Variants in GRM1 observed in about 807,000 individuals in gnomAD.
GRM1 encodes the protein metabotropic glutamate receptor 1.
A neutral mutation model predicts 90.9 loss-of-function variants in GRM1; 33 were observed. That is an observed-to-expected ratio of 0.36 (90% confidence interval 0.28 to 0.49). The LOEUF is 0.49. GRM1 is among the 20% of genes least tolerant of loss of function. The pLI is 0.99. For synonymous variants in GRM1, 700 were observed against 613.2 expected, an observed-to-expected ratio of 1.14 and a Z score of -2.09; for missense variants, 1,190 against 1,534.3, an observed-to-expected ratio of 0.78 and a Z score of 3.75.
chr6:146,119,835 C>T (rs1015188870), intron 1 of GRM1, among the ~76,000 whole-genome samples: 7 of 152,026 alleles, frequency 4.6e-5, no homozygotes, highest in African/African-American at 1.7e-4. Context: ...GCTGTTTTGG[C>T]TACTGTAGCC....
chr6:146,127,337 G>A (rs576918334), intron 1 of GRM1, among the ~76,000 whole-genome samples: 2 of 152,252 alleles, frequency 1.3e-5, no homozygotes, highest in East Asian at 3.9e-4. Flanking sequence ...AGAATGATTG[G>A]CAAATATTCA....
chr6:146,241,307 A>G (rs539660311), intron 2 of GRM1, among the ~76,000 whole-genome samples: 26 of 152,190 alleles, frequency 1.7e-4, no homozygotes, highest in Admixed American at 6.6e-4. Flanking sequence ...TGTTACCTTT[A>G]CTAAACCTTT....
At chr6:146,381,451 C>T (rs1007036873) in intron 5 of GRM1, among the ~76,000 whole-genome samples, 2 of 152,166 alleles carry the variant, frequency 1.3e-5, no homozygotes, top group African/African-American at 4.8e-5. Flanking sequence ...TTTTCCCTCC[C>T]TCAGCACCTA....
At chr6:146,201,836 CACTTGTAAGTTGTGCA>C (rs1228221783) in intron 2 of GRM1, among the ~76,000 whole-genome samples, 60 of 152,316 alleles carry the variant, frequency 3.9e-4, no homozygotes, top group African/African-American at 1.3e-3. Context: ...GTGATTGTGC[CACTTGTAAGTTGTGCA>C]ACTTGTAAGT....
At chr6:146,240,051 A>T (rs1682217813) in intron 2 of GRM1, among the ~76,000 whole-genome samples, 1 of 152,088 alleles carries the variant, frequency 6.6e-6, no homozygotes, top group African/African-American at 2.4e-5. Context: ...ATGTCTGGGG[A>T]AACTTAATGA....
chr6:146,254,453 A>G (rs1781415388), intron 2 of GRM1, among the ~76,000 whole-genome samples: 1 of 152,224 alleles, frequency 6.6e-6, no homozygotes, highest in African/African-American at 2.4e-5. Flanking sequence ...AGACAAAAAC[A>G]TGAAAGTGAT....
In GRM1 at chr6:146,257,510, A is replaced by G. The variant is rs1052504959; in HGVS notation, c.951-47101A>G. ...GTATGTGTGTGTCTGTCTGTGTAATATGTGTGTATATATATATATATGTAT... is the reference window on the plus strand; with the variant it reads ...GTATGTGTGTGTCTGTCTGTGTAATGTGTGTGTATATATATATATATGTAT... On this transcript the variant is annotated intron_variant, in intron 2 of 7. Transcript: ENST00000282753. Among the ~76,000 whole-genome samples, 3 of 141,874 alleles carry G rather than the reference A, an allele frequency of 2.1e-5. No homozygotes were observed. In the East Asian group the frequency reaches 5.8e-4, roughly 28 times the overall value. 93.1% of individuals were successfully genotyped at this position (141,874 alleles called of 152,430 possible). A position where few individuals can be genotyped will look rare whatever the true frequency, so the allele number is the denominator to read the frequency against.
chr6:146,308,238 G>A (rs764595588), intron 3 of GRM1, among the ~76,000 whole-genome samples: 13 of 152,200 alleles, frequency 8.5e-5, no homozygotes, highest in South Asian at 2.1e-4. Context: ...TGTATCAGCC[G>A]CACGACTTGC....
Position 146,159,617 on chromosome 6 carries a change from T to TCC in GRM1, c.950+21_950+22insCC. The TCC allele has an allele frequency of 2.2e-6, 3 of 1,339,520 alleles. No homozygotes were observed. In the African/African-American group the frequency reaches 7.1e-5, roughly 32 times the overall value. The allele number at this position is 1,339,520 out of a possible 1,614,324, so 83.0% of individuals were successfully genotyped here. A position where few individuals can be genotyped will look rare whatever the true frequency, so the allele number is the denominator to read the frequency against. On this transcript the variant is annotated intron_variant, in intron 2 of 7. Transcript: ENST00000282753. ...TGGAAGGTAAGTTTCTCTCTCTCTC[T>TCC]CTCTCTCTCTCTCTCTCTCTCTCTC...
At chr6:146,149,965 G>A (rs1777261461) in intron 1 of GRM1, among the ~76,000 whole-genome samples, 1 of 152,150 alleles carries the variant, frequency 6.6e-6, no homozygotes, top group Non-Finnish European at 1.5e-5. Context: ...CACCGGGACA[G>A]GTGATGATTC....
At chr6:146,327,802 T>C (rs1784445404) in intron 3 of GRM1, among the ~76,000 whole-genome samples, 1 of 152,076 alleles carries the variant, frequency 6.6e-6, no homozygotes, top group Non-Finnish European at 1.5e-5. Flanking sequence ...ACCCACTGAG[T>C]CCACCTCACC....
intron 2 of GRM1, among the ~76,000 whole-genome samples, chr6:146,284,505 G>A (rs141813902): frequency 2.0e-3 from 307 of 152,286 alleles, no homozygotes; most frequent in African/African-American, 7.1e-3. Context: ...CTATGTATAT[G>A]ATATGGCTTG....
At chr6:146,272,336 T>C (rs1283318789) in intron 2 of GRM1, among the ~76,000 whole-genome samples, 1 of 152,192 alleles carries the variant, frequency 6.6e-6, no homozygotes, top group African/African-American at 2.4e-5. Context: ...TCAGCAAACA[T>C]TATCGGTTGC....
intron 6 of GRM1, among the ~76,000 whole-genome samples, chr6:146,397,310 T>A (rs1418239959): frequency 1.3e-5 from 2 of 150,828 alleles, no homozygotes; most frequent in Non-Finnish European, 3.0e-5. Context: ...CCGTCTCTAG[T>A]AAAAATACAA....
In GRM1 at chr6:146,434,046, C is replaced by G; in HGVS notation, c.2835C>G (p.Thr945=). 1 of 1,614,188 alleles carries G rather than the reference C, an allele frequency of 6.2e-7. No individual in the cohort carries two copies. Among genetic ancestry groups the G allele is most frequent in the Non-Finnish European group, 8.5e-7 (1 of 1,180,040 alleles). The change falls in exon 8 of 8, where the codon ACC becomes ACG. Residue 945 remains threonine, a synonymous_variant. Coordinates refer to ENST00000282753, the MANE Select transcript of GRM1 (RefSeq NM_001278064.2). ...ACCAAGGCTCTGGCAAGAGCCTGAC[C>G]TTTTCAGATACCAGCACCAAGACCC... ...KSYQGSGKSL[T]FSDTSTKTLY... is the part of the protein sequence containing the mutation.
intron 5 of GRM1, among the ~76,000 whole-genome samples, chr6:146,365,874 A>G (rs1775666955): frequency 6.6e-6 from 1 of 152,124 alleles, no homozygotes; most frequent in Non-Finnish European, 1.5e-5. Context: ...GGAGGCGGTC[A>G]CTCTCAAGGT....
intron 2 of GRM1, among the ~76,000 whole-genome samples, chr6:146,295,750 G>A (rs1783154636): frequency 6.6e-6 from 1 of 152,054 alleles, no homozygotes; most frequent in South Asian, 2.1e-4. Context: ...AAAAACTTTA[G>A]GTTCGAGGGT....
At chr6:146,316,246 CATCT>C (rs1486628952) in intron 3 of GRM1, among the ~76,000 whole-genome samples, 1 of 152,192 alleles carries the variant, frequency 6.6e-6, no homozygotes, top group Non-Finnish European at 1.5e-5. Flanking sequence ...AGGAACTTTA[CATCT>C]ATCTGACTTT....
intron 2 of GRM1, among the ~76,000 whole-genome samples, chr6:146,227,229 TAC>T (rs1780273539): frequency 6.6e-6 from 1 of 151,864 alleles, no homozygotes; most frequent in Non-Finnish European, 1.5e-5. Context: ...TCTACACACA[TAC>T]ACACACAGAC....
Sources: allele counts gnomAD v4.1 joint callset (sites outside exome capture counted in the v4.1 genomes callset), GRCh38; gene constraint gnomAD v4.1.1; transcripts MANE v1.5; gene names NCBI Gene and HGNC (gene_info 2026-07-23, HGNC 2026-07-21).